NCKAP5: variants seen among roughly 807,000 people sequenced by gnomAD.
NCKAP5 encodes the protein nck-associated protein 5.
A neutral mutation model predicts 167.0 loss-of-function variants in NCKAP5; 92 were observed. The observed-to-expected ratio is 0.55, with a 90% confidence interval of 0.47 to 0.66. NCKAP5 has a LOEUF of 0.66. Among genes scored for constraint, NCKAP5 ranks in the 30% least tolerant of loss-of-function variants. The pLI is 0.00. For missense variants in NCKAP5, 2,378 were observed against 2,315.0 expected (o/e 1.03, Z -0.56); for synonymous variants, 891 against 877.4 (o/e 1.02, Z -0.27).
chr2:133,498,106 T>C (rs1682100966), intron 3 of NCKAP5, among the ~76,000 whole-genome samples: 1 of 152,098 alleles, frequency 6.6e-6, no homozygotes, highest in Admixed American at 6.5e-5. Context: ...TCGGTTTTTG[T>C]GAGGAAAAAA....
intron 3 of NCKAP5, among the ~76,000 whole-genome samples, chr2:133,363,303 T>C (rs1685245060): frequency 6.6e-6 from 1 of 152,156 alleles, no homozygotes; most frequent in African/African-American, 2.4e-5. Flanking sequence ...AAATAAATGT[T>C]GGAATACAGC....
At chr2:132,991,736 C>T (rs1573658491) in intron 7 of NCKAP5, among the ~76,000 whole-genome samples, 1 of 152,230 alleles carries the variant, frequency 6.6e-6, no homozygotes, top group Non-Finnish European at 1.5e-5. Context: ...GGGCCTCTGG[C>T]TCCTTTCAGA....
At chr2:133,598,376 C>T in the NCKAP5 span, among the ~76,000 whole-genome samples, 7 of 152,150 alleles carry the variant, frequency 4.6e-5, no homozygotes, top group Non-Finnish European at 7.3e-5. Flanking sequence ...CAAGTTTAGG[C>T]CTTGTCTCCA....
chr2:133,192,430 G>T (rs1230891408), intron 5 of NCKAP5, among the ~76,000 whole-genome samples: 6 of 151,988 alleles, frequency 3.9e-5, no homozygotes. Flanking sequence ...GAAAACTTTT[G>T]TTCTGTGAAA....
intron 5 of NCKAP5, among the ~76,000 whole-genome samples, chr2:133,136,064 T>G (rs1460352399): frequency 6.6e-6 from 1 of 152,208 alleles, no homozygotes; most frequent in East Asian, 1.9e-4. Context: ...GATGTAAGAA[T>G]GGAGAGGATA....
intron 16 of NCKAP5, among the ~76,000 whole-genome samples, chr2:132,736,778 C>A (rs543448423): frequency 3.1e-4 from 47 of 152,142 alleles, no homozygotes; most frequent in African/African-American, 8.7e-4. Flanking sequence ...AGTGAGACTC[C>A]GTCTCAAAAC....
At chr2:133,624,542 C>G in the NCKAP5 span, among the ~76,000 whole-genome samples, 1 of 152,142 alleles carries the variant, frequency 6.6e-6, no homozygotes, top group Admixed American at 6.5e-5. Context: ...TCAGGGCACA[C>G]TTTTAGACAC....
intron 4 of NCKAP5, among the ~76,000 whole-genome samples, chr2:133,265,831 T>G (rs894628612): frequency 2.0e-5 from 3 of 152,084 alleles, no homozygotes; most frequent in African/African-American, 7.2e-5. Context: ...GTTTTCCCAG[T>G]GGCACAGCTA....
chr2:132,674,657 G>A (rs1684194093), intron 19 of NCKAP5, among the ~76,000 whole-genome samples: 1 of 152,178 alleles, frequency 6.6e-6, no homozygotes, highest in Admixed American at 6.5e-5. Context: ...CAAAGCTTAT[G>A]GATTCTCACA....
chr2:133,501,977 A>G (rs1213917825), intron 3 of NCKAP5, among the ~76,000 whole-genome samples: 1 of 152,236 alleles, frequency 6.6e-6, no homozygotes, highest in Non-Finnish European at 1.5e-5. Context: ...TAGTAACATG[A>G]AATACTCAAC....
chr2:132,952,715 A>T (rs1297770724), intron 8 of NCKAP5, among the ~76,000 whole-genome samples: 1 of 152,216 alleles, frequency 6.6e-6, no homozygotes, highest in Non-Finnish European at 1.5e-5. Flanking sequence ...CAAGAAAACG[A>T]GCACTGATCA....
intron 11 of NCKAP5, among the ~76,000 whole-genome samples, chr2:132,823,243 T>C (rs1430948655): frequency 6.6e-6 from 1 of 152,172 alleles, no homozygotes; most frequent in Non-Finnish European, 1.5e-5. Flanking sequence ...CCTAGGCACA[T>C]AGTCATCAGA....
the NCKAP5 span, among the ~76,000 whole-genome samples, chr2:133,657,822 C>G: frequency 6.6e-6 from 1 of 152,090 alleles, no homozygotes; most frequent in African/African-American, 2.4e-5. Context: ...CTCAAAAGCT[C>G]TGAGTCAGAG....
chr2:133,471,038 C>G (rs112247750), intron 3 of NCKAP5, among the ~76,000 whole-genome samples: 1 of 152,224 alleles, frequency 6.6e-6, no homozygotes, highest in Non-Finnish European at 1.5e-5. Flanking sequence ...GCTCCTCCCC[C>G]CCTGCTTTTG....
At chr2:133,586,983 A>G in the NCKAP5 span, among the ~76,000 whole-genome samples, 1 of 152,290 alleles carries the variant, frequency 6.6e-6, no homozygotes, top group Admixed American at 6.5e-5. Flanking sequence ...TGGACAGTCT[A>G]TCTTTTAGCC....
chr2:132,992,077 T>C (rs2077465805), intron 7 of NCKAP5, among the ~76,000 whole-genome samples: 1 of 152,198 alleles, frequency 6.6e-6, no homozygotes, highest in Non-Finnish European at 1.5e-5. Flanking sequence ...AGTAAGTGTT[T>C]GTTAAATGCA....
chr2:133,358,343 C>T lies in NCKAP5; in HGVS notation c.70-55233G>A, dbSNP rs558177386. Among the ~76,000 whole-genome samples, 7 of 152,196 alleles carry T rather than the reference C, an allele frequency of 4.6e-5. No homozygotes were observed. The East Asian group carries it at 7.7e-4, about 17-fold the overall frequency. On this transcript the variant is annotated intron_variant, in intron 3 of 19. Transcript: ENST00000409261. ...GTAATCTCAGTGGGAGTTTGGGAGGCCAAGGCAAGACAATCGCTTGAGGGC... is the reference window on the plus strand; with the variant it reads ...GTAATCTCAGTGGGAGTTTGGGAGGTCAAGGCAAGACAATCGCTTGAGGGC...
chr2:132,883,205 TACACACACACAC>T (rs3044408), intron 8 of NCKAP5, among the ~76,000 whole-genome samples: 2 of 139,650 alleles, frequency 1.4e-5, no homozygotes, highest in Admixed American at 7.2e-5. Context: ...CTGACTCAAA[TACACACACACAC>T]ACACACACAC....
At chr2:133,441,994 C>T (rs998969776) in intron 3 of NCKAP5, among the ~76,000 whole-genome samples, 2 of 152,104 alleles carry the variant, frequency 1.3e-5, no homozygotes, top group Non-Finnish European at 2.9e-5. Flanking sequence ...ACTGAAAAGG[C>T]TGCTTTCTGA....
Sources: allele counts gnomAD v4.1 joint callset (sites outside exome capture counted in the v4.1 genomes callset), GRCh38; gene constraint gnomAD v4.1.1; transcripts MANE v1.5; gene names NCBI Gene and HGNC (gene_info 2026-07-23, HGNC 2026-07-21).